Variants in FAM107B observed in about 807,000 individuals in gnomAD.
The protein encoded by FAM107B is family with sequence similarity 107 member B.
FAM107B carries 21 observed loss-of-function variants against 31.5 expected under a neutral mutation model. The observed-to-expected ratio is 0.67, with a 90% confidence interval of 0.47 to 0.96. The LOEUF (loss-of-function observed/expected upper bound fraction) is 0.96. Ranked by LOEUF, FAM107B falls within the 40% of genes least tolerant of loss-of-function variation. The pLI, the probability that FAM107B is intolerant of heterozygous loss-of-function variation, is 0.00. For synonymous variants in FAM107B, 157 were observed against 141.5 expected, an observed-to-expected ratio of 1.11 and a Z score of -0.78; for missense variants, 452 against 377.1, an observed-to-expected ratio of 1.20 and a Z score of -1.64.
intron 2 of FAM107B, among the ~76,000 whole-genome samples, chr10:14,639,226 T>C (rs964643454): frequency 6.6e-6 from 1 of 152,060 alleles, no homozygotes; most frequent in African/African-American, 2.4e-5. Flanking sequence ...GTACCTACCT[T>C]TAAATATTCA....
chr10:14,728,335 G>A (rs1856083987), intron 1 of FAM107B, among the ~76,000 whole-genome samples: 1 of 151,098 alleles, frequency 6.6e-6, no homozygotes, highest in South Asian at 2.1e-4. Flanking sequence ...TAAGGGGTGT[G>A]TGTGTGTGTG....
intron 1 of FAM107B, among the ~76,000 whole-genome samples, chr10:14,734,949 C>G (rs1474158457): frequency 6.6e-6 from 1 of 152,160 alleles, no homozygotes; most frequent in Non-Finnish European, 1.5e-5. Context: ...CACATAGAGG[C>G]CCATCTGTTC....
chr10:14,594,508 A>AC (rs973868064), intron 2 of FAM107B, among the ~76,000 whole-genome samples: 9 of 137,490 alleles, frequency 6.5e-5, no homozygotes, highest in Non-Finnish European at 1.4e-4. Context: ...TGCCAAAAAA[A>AC]AAAAAAAAAC....
chr10:14,647,665 G>A (rs1853791427), intron 2 of FAM107B, among the ~76,000 whole-genome samples: 1 of 134,816 alleles, frequency 7.4e-6, no homozygotes, highest in South Asian at 2.4e-4. Flanking sequence ...CAACCTGGGT[G>A]ACAAAGTTAG....
intron 2 of FAM107B, among the ~76,000 whole-genome samples, chr10:14,662,729 G>A (rs186830262): frequency 7.2e-5 from 11 of 152,318 alleles, no homozygotes; most frequent in Admixed American, 6.5e-4. Flanking sequence ...CAATGTGTAT[G>A]TGCCTGAGTG....
At chr10:14,737,667 G>A (rs951974537) in intron 1 of FAM107B, among the ~76,000 whole-genome samples, 1 of 151,562 alleles carries the variant, frequency 6.6e-6, no homozygotes. Context: ...ATTTTCACAG[G>A]GAAATGACCT....
chr10:14,708,225 C>A (rs1122456), intron 1 of FAM107B, among the ~76,000 whole-genome samples: 40,505 of 152,030 alleles, frequency 0.27, 5,674 homozygotes, highest in Middle Eastern at 0.4. Context: ...TTACAGGTGC[C>A]TGGCACCACA....
chr10:14,763,092 T>C (rs1384652216), intron 1 of FAM107B, among the ~76,000 whole-genome samples: 1 of 151,866 alleles, frequency 6.6e-6, no homozygotes, highest in Non-Finnish European at 1.5e-5. Context: ...GCAAACCCCA[T>C]CTCTACTGAT....
intron 1 of FAM107B, among the ~76,000 whole-genome samples, chr10:14,712,666 C>G (rs1349612046): frequency 2.0e-5 from 3 of 151,546 alleles, no homozygotes; most frequent in Non-Finnish European, 4.4e-5. Flanking sequence ...AAGCCAAGAG[C>G]TTTGATGCAG....
At chr10:14,553,315 C>G in intron 2 of FAM107B, 2 of 1,254,826 alleles carry the variant, frequency 1.6e-6, no homozygotes, top group Non-Finnish European at 2.1e-6. Flanking sequence ...AATTTCCCCA[C>G]ACTTACTAAA....
intron 2 of FAM107B, among the ~76,000 whole-genome samples, chr10:14,621,847 A>G (rs1228846472): frequency 6.6e-6 from 1 of 152,218 alleles, no homozygotes; most frequent in African/African-American, 2.4e-5. Context: ...AAGAAAGGGA[A>G]GGAAAAATTC....
At chr10:14,731,342 A>G (rs576874005) in intron 1 of FAM107B, among the ~76,000 whole-genome samples, 3 of 152,156 alleles carry the variant, frequency 2.0e-5, no homozygotes, top group Admixed American at 2.0e-4. Flanking sequence ...CAGGTGGATC[A>G]CCTGAGATCA....
intron 2 of FAM107B, among the ~76,000 whole-genome samples, chr10:14,547,698 G>C (rs1363522786): frequency 1.3e-5 from 2 of 152,132 alleles, no homozygotes; most frequent in African/African-American, 2.4e-5. Context: ...TTGAAATACT[G>C]AATTAGTTAA....
intron 2 of FAM107B, among the ~76,000 whole-genome samples, chr10:14,592,748 GAAAC>G (rs1852062277): frequency 6.6e-6 from 1 of 152,198 alleles, no homozygotes; most frequent in Non-Finnish European, 1.5e-5. Flanking sequence ...AATGGAAAAA[GAAAC>G]AGACTGGGGC....
chr10:14,648,060 G>A (rs1313407000), intron 2 of FAM107B, among the ~76,000 whole-genome samples: 3 of 147,570 alleles, frequency 2.0e-5, no homozygotes, highest in South Asian at 2.1e-4. Context: ...TTGAAAAGAC[G>A]TGCCAAAAAA....
intron 1 of FAM107B, among the ~76,000 whole-genome samples, chr10:14,687,772 C>T (rs934999365): frequency 2.0e-5 from 3 of 152,080 alleles, no homozygotes; most frequent in African/African-American, 7.2e-5. Flanking sequence ...ATGATAGAAC[C>T]ACTTCTAGAC....
At chr10:14,637,308 A>G (rs1234327016) in intron 2 of FAM107B, among the ~76,000 whole-genome samples, 1 of 151,998 alleles carries the variant, frequency 6.6e-6, no homozygotes, top group Non-Finnish European at 1.5e-5. Context: ...CCTCCTCTTG[A>G]GTGTAGGCAG....
intron 2 of FAM107B, among the ~76,000 whole-genome samples, chr10:14,576,989 T>C (rs2131292323): frequency 6.6e-6 from 1 of 152,350 alleles, no homozygotes; most frequent in Non-Finnish European, 1.5e-5. Flanking sequence ...TAATAATGCA[T>C]GGCTTTTTTG....
At chr10:14,624,730 T>C (rs1012393734) in intron 2 of FAM107B, among the ~76,000 whole-genome samples, 1 of 152,066 alleles carries the variant, frequency 6.6e-6, no homozygotes, top group Non-Finnish European at 1.5e-5. Flanking sequence ...TCATGACAAA[T>C]GTCATAAAAT....
Sources: allele counts gnomAD v4.1 joint callset (sites outside exome capture counted in the v4.1 genomes callset), GRCh38; gene constraint gnomAD v4.1.1; transcripts MANE v1.5; gene names NCBI Gene and HGNC (gene_info 2026-07-23, HGNC 2026-07-21).